The following RASA1 variants were observed in gnomAD, a reference collection of about 807,000 sequenced individuals.
RASA1 encodes RAS p21 protein activator 1.
In RASA1, 25 loss-of-function variants were observed where a neutral mutation model predicts 132.2. That is an observed-to-expected ratio of 0.19 (90% CI 0.14 to 0.26). The LOEUF (loss-of-function observed/expected upper bound fraction) is 0.26, where lower values mean the gene tolerates loss of function less well. RASA1 is among the 10% of genes least tolerant of loss of function. RASA1 has a pLI of 1.00. For synonymous variants in RASA1, 477 were observed against 449.9 expected (o/e 1.06, Z -0.76); for missense variants, 964 against 1,299.2 (o/e 0.74, Z 3.97).
intron 19 of RASA1, among the ~76,000 whole-genome samples, 199 bp downstream of exon 19, chr5:87,380,049 A>G (rs909156865): frequency 1.3e-5 from 2 of 152,174 alleles, no homozygotes; most frequent in Non-Finnish European, 2.9e-5. Context: ...GTACAAGCCA[A>G]TATGTCTGGT....
At chr5:87,273,700 C>CTT (rs539277152) in intron 1 of RASA1, among the ~76,000 whole-genome samples, 3 of 138,382 alleles carry the variant, frequency 2.2e-5, no homozygotes, top group Admixed American at 7.3e-5. Context: ...TTTTCTTTTT[C>CTT]TTTTTTTTTT....
At chr5:87,349,150 C>T in intron 7 of RASA1, 64 bp from the exon 8 acceptor site, 2 of 1,559,522 alleles carry the variant, frequency 1.3e-6, no homozygotes, top group South Asian at 1.1e-5. Flanking sequence ...TGTAATAATA[C>T]TACTTAACAT....
intron 1 of RASA1, among the ~76,000 whole-genome samples, chr5:87,284,422 A>G (rs1335796614): frequency 1.3e-5 from 2 of 152,196 alleles, no homozygotes; most frequent in East Asian, 3.8e-4. Flanking sequence ...CTGCCAAAGC[A>G]TGGATTTAGA....
At position 87,386,876 on chromosome 5, in the gene RASA1, T is replaced by C. The variant is rs781300039; in HGVS notation, c.2898T>C (p.Arg966=). 6.2e-7 allele frequency: 1 copy of C among 1,612,626 alleles called. No individual in the cohort carries two copies. The highest frequency in any genetic ancestry group is 8.5e-7 in the Non-Finnish European group (1 of 1,179,232). The change falls in exon 23 of 25, where the codon CGT becomes CGC. Residue 966 remains arginine (R), a synonymous_variant. Transcript: ENST00000274376. The part of the protein sequence containing the change: ...VNPFIKSNKH[R]MIMFLDELGN... ...CATTCATCAAAAGCAACAAACATCGTATGATCATGTTTTTAGATGAACTTG... is the reference window on the plus strand; with the variant it reads ...CATTCATCAAAAGCAACAAACATCGCATGATCATGTTTTTAGATGAACTTG...
At chr5:87,372,805 G>A (rs1761046075) in intron 13 of RASA1, among the ~76,000 whole-genome samples, 1 of 152,058 alleles carries the variant, frequency 6.6e-6, no homozygotes, top group African/African-American at 2.4e-5. Context: ...AAGGTTTAAA[G>A]AAAGTTTAGT....
chr5:87,343,583 G>A (rs1758634337), intron 6 of RASA1, among the ~76,000 whole-genome samples: 1 of 152,172 alleles, frequency 6.6e-6, no homozygotes, highest in Non-Finnish European at 1.5e-5. Flanking sequence ...ATGCTAGTGA[G>A]GATGTGGAGA....
chr5:87,301,082 A>G (rs1162005496), intron 1 of RASA1, among the ~76,000 whole-genome samples: 1 of 152,230 alleles, frequency 6.6e-6, no homozygotes, highest in Non-Finnish European at 1.5e-5. Context: ...AACATTTGGC[A>G]GTATTGGGGG....
chr5:87,345,117 G>T (rs1331943622), intron 6 of RASA1, among the ~76,000 whole-genome samples: 4 of 152,128 alleles, frequency 2.6e-5, no homozygotes, highest in African/African-American at 4.8e-5. Context: ...GGGATTACAG[G>T]TGTGATCCCA....
chr5:87,369,541 T>A (rs1323025268), intron 11 of RASA1, among the ~76,000 whole-genome samples: 1 of 152,140 alleles, frequency 6.6e-6, no homozygotes, highest in Non-Finnish European at 1.5e-5. Flanking sequence ...TCAATCTGTT[T>A]GTAACTTTAT....
rs1709025423 is a variant in RASA1, at chr5:87,378,280, A to G, written c.2345-116A>G. ...ATTAGTACTTTCAACGCTGCACGCA[A>G]AAAGCACATTTAAGTGGCTATTCCT... On this transcript the variant is annotated intron_variant, in intron 17 of 24. Coordinates refer to ENST00000274376, the MANE Select transcript of RASA1 (RefSeq NM_002890.3). 8.9e-6 allele frequency: 11 copies of G among 1,242,590 alleles called. No homozygotes were observed. In the Admixed American group the frequency reaches 1.4e-4, roughly 16 times the overall value. The allele number at this position is 1,242,590 out of a possible 1,614,324, so 77.0% of individuals were successfully genotyped here.
chr5:87,366,432 A>G lies in RASA1; in HGVS notation c.1610+2928A>G, dbSNP rs567700516. 3.0e-5 allele frequency: 11 copies of G among 369,344 alleles called. No homozygotes were observed. The East Asian group carries it at 7.3e-4, about 25-fold the overall frequency. 22.9% of individuals were successfully genotyped at this position (369,344 alleles called of 1,614,324 possible). ...TGATGGTAAAAGAGAAAGAATTGCC[A>G]GAGTAAAAAGAAGGATCAGATCCTT... On this transcript the variant is annotated intron_variant, in intron 11 of 24. Transcript: ENST00000274376.
At chr5:87,298,412 C>CAAA (rs1255095778) in intron 1 of RASA1, among the ~76,000 whole-genome samples, 1 of 58,882 alleles carries the variant, frequency 1.7e-5, no homozygotes, top group Non-Finnish European at 3.5e-5. Flanking sequence ...GACTCTGTCT[C>CAAA]AAAAAAAAAA....
chr5:87,272,676 CT>C (rs1753898776), intron 1 of RASA1, among the ~76,000 whole-genome samples: 1 of 151,992 alleles, frequency 6.6e-6, no homozygotes, highest in Non-Finnish European at 1.5e-5. Flanking sequence ...TCTACTAATT[CT>C]TTTGGTTAGA....
At chr5:87,318,892 A>G (rs1471885709) in intron 1 of RASA1, 2 of 152,270 alleles carry the variant, frequency 1.3e-5, no homozygotes, top group East Asian at 1.9e-4. Context: ...CATTCCACCT[A>G]TGAGCCTGTA....
intron 1 of RASA1, among the ~76,000 whole-genome samples, chr5:87,310,533 A>G (rs1226161925): frequency 1.3e-5 from 2 of 152,196 alleles, no homozygotes; most frequent in Non-Finnish European, 2.9e-5. Context: ...TGCATAAAGA[A>G]GTAGGAAGGA....
At chr5:87,315,457 A>G (rs1756253535) in intron 1 of RASA1, among the ~76,000 whole-genome samples, 1 of 152,224 alleles carries the variant, frequency 6.6e-6, no homozygotes, top group Non-Finnish European at 1.5e-5. Flanking sequence ...TAGGCCTCAC[A>G]AAGGCCCTAC....
chr5:87,327,153 AT>A (rs1350453497), intron 1 of RASA1, among the ~76,000 whole-genome samples: 2 of 152,200 alleles, frequency 1.3e-5, no homozygotes, highest in African/African-American at 4.8e-5. Context: ...GTGTTAGCTC[AT>A]TTAATAATAA....
At position 87,284,338 on chromosome 5, in the gene RASA1, C is replaced by A. The variant is rs142034289; in HGVS notation, c.539+15348C>A. Among the ~76,000 whole-genome samples, 421 of 152,278 alleles carry A rather than the reference C, an allele frequency of 2.8e-3. 1 individual carries two copies. The highest frequency in any genetic ancestry group is 8.9e-3 in the African/African-American group (368 of 41,556). ...AGTGACTATAGGTTGCTTTCTCTCT[C>A]TATATAGACAGACAGGTAGGTAGGC... On this transcript the variant is annotated intron_variant, in intron 1 of 24. Coordinates refer to ENST00000274376, the MANE Select transcript of RASA1 (RefSeq NM_002890.3).
At chr5:87,344,534 T>G (rs748985275) in intron 6 of RASA1, among the ~76,000 whole-genome samples, 1 of 151,978 alleles carries the variant, frequency 6.6e-6, no homozygotes, top group Non-Finnish European at 1.5e-5. Flanking sequence ...GTTTTAGAGA[T>G]AGGTTCTTGC....
Sources: gnomAD v4.1 joint callset for allele counts (sites outside exome capture counted in the v4.1 genomes callset) on GRCh38, gnomAD v4.1.1 for gene constraint, MANE v1.5 for transcripts, NCBI Gene and HGNC (gene_info 2026-07-23, HGNC 2026-07-21) for gene names.